The following ITPR2 variants were observed in gnomAD, a reference collection of about 807,000 sequenced individuals.
ITPR2 encodes the protein inositol 1,4,5-trisphosphate receptor type 2.
In ITPR2, 207 loss-of-function variants were observed where a neutral mutation model predicts 317.1. That is an observed-to-expected ratio of 0.65 (90% CI 0.58 to 0.73). ITPR2 has a LOEUF of 0.73. Ranked by LOEUF, ITPR2 falls within the 30% of genes least tolerant of loss-of-function variation. ITPR2 has a pLI of 0.00. For synonymous variants in ITPR2, 1,156 were observed against 1,149.1 expected, an observed-to-expected ratio of 1.01 and a Z score of -0.12; for missense variants, 2,613 against 3,284.0, an observed-to-expected ratio of 0.80 and a Z score of 4.99.
In ITPR2 at chr12:26,476,846, T is replaced by C. The variant is rs574721055; in HGVS notation, c.6219+66A>G. On this transcript the variant is annotated intron_variant, in intron 44 of 56. Coordinates refer to ENST00000381340, the MANE Select transcript of ITPR2 (RefSeq NM_002223.4). ...AATCAATCAACTTTTTTTTCTGACA[T>C]GCATTCTCTAAATTTTTTCCTTTTA... 3.0e-5 allele frequency: 29 copies of C among 962,420 alleles called. No individual in the cohort carries two copies. In the East Asian group the frequency reaches 3.7e-4, roughly 12 times the overall value. The allele number at this position is 962,420 out of a possible 1,614,324, so 59.6% of individuals were successfully genotyped here.
intron 52 of ITPR2, among the ~76,000 whole-genome samples, chr12:26,407,981 T>C (rs915835500): frequency 3.9e-5 from 6 of 152,176 alleles, no homozygotes; most frequent in Admixed American, 2.0e-4. Flanking sequence ...TTCTCCCTCC[T>C]CTCGGCCTGA....
chr12:26,342,327 G>A (rs1473356448), intron 55 of ITPR2, among the ~76,000 whole-genome samples: 2 of 152,040 alleles, frequency 1.3e-5, no homozygotes, highest in Non-Finnish European at 2.9e-5. Flanking sequence ...GTGAACTTAG[G>A]TTCTGTTATC....
intron 9 of ITPR2, among the ~76,000 whole-genome samples, chr12:26,700,724 G>A (rs1470298737): frequency 6.6e-6 from 1 of 152,206 alleles, no homozygotes; most frequent in East Asian, 1.9e-4. Context: ...ATGATGCAAG[G>A]GGACAGAGGA....
chr12:26,563,368 G>A (rs138778840), intron 34 of ITPR2, among the ~76,000 whole-genome samples: 9,268 of 152,170 alleles, frequency 0.061, 344 homozygotes, highest in Middle Eastern at 0.11. Flanking sequence ...TCAGGAGATC[G>A]AGACCATCCT....
chr12:26,580,694 A>G (rs141536026), intron 32 of ITPR2, among the ~76,000 whole-genome samples: 1 of 152,278 alleles, frequency 6.6e-6, no homozygotes, highest in Admixed American at 6.6e-5. Context: ...TCATCCATGG[A>G]TTATCTAAGA....
rs1565671382 is a variant in ITPR2, at chr12:26,657,890, AC to A, written c.2008del (p.Val670TrpfsTer55). 1.2e-6 allele frequency: 2 copies of A among 1,612,942 alleles called. No homozygotes were observed. Among genetic ancestry groups the A allele is most frequent in the Non-Finnish European group, 1.7e-6 (2 of 1,179,298 alleles). On this transcript the variant is annotated frameshift_variant and splice_region_variant, in exon 18 of 57. Transcript: ENST00000381340. LOFTEE classifies it high-confidence loss of function. ...GNADILIQTK[V>X]VSMQADNPME... ...GGGGTTGTCTGCTTGCATTGAGACC[AC>A]CCTTCAAATAAATAGCACATACAAA...
chr12:26,417,719 A>T (rs1940763785), intron 50 of ITPR2, among the ~76,000 whole-genome samples: 1 of 152,218 alleles, frequency 6.6e-6, no homozygotes, highest in African/African-American at 2.4e-5. Context: ...TATTCATAGC[A>T]GTGTGAGAAC....
intron 1 of ITPR2, among the ~76,000 whole-genome samples, chr12:26,811,684 CAAAAAAA>C (rs34379788): frequency 7.5e-5 from 6 of 80,156 alleles, no homozygotes; most frequent in East Asian, 3.4e-4. Context: ...GACTCTGTCT[CAAAAAAA>C]AAAAAAAAAA....
Position 26,487,312 on chromosome 12 carries a change from C to T in ITPR2, c.5371-61G>A, listed in dbSNP as rs1231207294. The T allele has an allele frequency of 2.4e-6, 3 of 1,243,978 alleles. No individual in the cohort carries two copies. The African/African-American group carries it at 4.5e-5, about 19-fold the overall frequency. The allele number at this position is 1,243,978 out of a possible 1,614,324, so 77.1% of individuals were successfully genotyped here. A position where few individuals can be genotyped will look rare whatever the true frequency, so the allele number is the denominator to read the frequency against. On this transcript the variant is annotated intron_variant, in intron 39 of 56. Transcript: ENST00000381340. Reference sequence around the variant, plus strand: ...AGGGGAGACAAATGGTGTTTTTATGCTTGAACTAAACATAAGCATTATAGG... The same window carrying T: ...AGGGGAGACAAATGGTGTTTTTATGTTTGAACTAAACATAAGCATTATAGG...
intron 5 of ITPR2, among the ~76,000 whole-genome samples, chr12:26,721,749 T>G (rs1948843805): frequency 6.6e-6 from 1 of 152,172 alleles, no homozygotes; most frequent in Non-Finnish European, 1.5e-5. Context: ...CTACTAAAAT[T>G]TATGTGCAAT....
chr12:26,585,430 G>A (rs570828027), intron 32 of ITPR2, among the ~76,000 whole-genome samples: 5 of 152,092 alleles, frequency 3.3e-5, no homozygotes, highest in African/African-American at 7.2e-5. Flanking sequence ...ATAAAAGTAC[G>A]GAGTCTCGCT....
chr12:26,679,315 T>C (rs982883592), intron 13 of ITPR2, among the ~76,000 whole-genome samples: 1 of 152,238 alleles, frequency 6.6e-6, no homozygotes, highest in African/African-American at 2.4e-5. Context: ...TTAGGATTTT[T>C]TTCTAATTGA....
rs1951092968 is a variant in ITPR2, at chr12:26,831,044, C to A, written c.92+1646G>T. 6.6e-6 allele frequency among the ~76,000 whole-genome samples: 1 copy of A among 152,102 alleles called. No homozygotes were observed. Among genetic ancestry groups the A allele is most frequent in the African/African-American group, 2.4e-5 (1 of 41,416 alleles). On this transcript the variant is annotated intron_variant, in intron 1 of 56. Coordinates refer to ENST00000381340, the MANE Select transcript of ITPR2 (RefSeq NM_002223.4). This position sits in a 1 kb window ranked among gnomAD's most constrained non-coding sequence, Gnocchi z 4.9. ...AACCCCAAGTATTCTGTCCATGGAA[C>A]CCCCTCTGCTTAACTACTACATCAC...
intron 36 of ITPR2, among the ~76,000 whole-genome samples, chr12:26,555,668 G>C (rs1944644247): frequency 6.6e-6 from 1 of 152,192 alleles, no homozygotes; most frequent in African/African-American, 2.4e-5. Flanking sequence ...GTAAACGGAA[G>C]AGCGGCAGAT....
At chr12:26,538,790 T>G (rs899186609) in intron 37 of ITPR2, among the ~76,000 whole-genome samples, 2 of 152,138 alleles carry the variant, frequency 1.3e-5, no homozygotes, top group African/African-American at 4.8e-5. Context: ...CTGGCCAGGC[T>G]GGTCTCGAAC....
At chr12:26,788,040 A>G (rs1950286396) in intron 2 of ITPR2, among the ~76,000 whole-genome samples, 2 of 148,818 alleles carry the variant, frequency 1.3e-5, no homozygotes, top group Admixed American at 1.4e-4. Flanking sequence ...CTCCTGCCTC[A>G]GCCTCCTGAG....
intron 37 of ITPR2, among the ~76,000 whole-genome samples, chr12:26,503,434 T>C (rs948069598): frequency 1.3e-5 from 2 of 152,270 alleles, no homozygotes; most frequent in South Asian, 2.1e-4. Context: ...ATAGAGGAGT[T>C]CTACATGGCA....
intron 22 of ITPR2, among the ~76,000 whole-genome samples, chr12:26,630,889 T>C (rs542918039): frequency 1.3e-5 from 2 of 152,218 alleles, no homozygotes; most frequent in East Asian, 3.9e-4. Flanking sequence ...CAGGAAAACT[T>C]TAAACGATTT....
intron 45 of ITPR2, among the ~76,000 whole-genome samples, chr12:26,444,186 T>A (rs1357841886): frequency 6.6e-6 from 1 of 152,094 alleles, no homozygotes; most frequent in African/African-American, 2.4e-5. Context: ...GTCATTGAAA[T>A]CAGGCATTTA....
Sources: allele counts gnomAD v4.1 joint callset (sites outside exome capture counted in the v4.1 genomes callset), GRCh38; gene constraint gnomAD v4.1.1; non-coding constraint Gnocchi (gnomAD v3.1); transcripts MANE v1.5; gene names NCBI Gene and HGNC (gene_info 2026-07-23, HGNC 2026-07-21).